CHRNB3: variants seen among roughly 807,000 people sequenced by gnomAD.
CHRNB3 encodes cholinergic receptor nicotinic beta 3 subunit, also known as neuronal acetylcholine receptor subunit beta-3.
CHRNB3 carries 37 observed loss-of-function variants against 40.6 expected under a neutral mutation model. The ratio of observed to expected loss-of-function variants is 0.91; its 90% CI spans 0.70 to 1.20. CHRNB3 has a LOEUF of 1.20. Ranked by LOEUF, CHRNB3 falls within the 50% of genes most tolerant of loss-of-function variation. The probability of loss-of-function intolerance (pLI) is 0.00; values close to 1 mark genes in which losing one functional copy is unlikely to be tolerated. For synonymous variants in CHRNB3, 207 were observed against 207.1 expected (o/e 1.00, Z 0.00); for missense variants, 505 against 551.2 (o/e 0.92, Z 0.84).
chr8:42,725,274 G>A (rs1198931574), intron 3 of CHRNB3, among the ~76,000 whole-genome samples: 1 of 151,606 alleles, frequency 6.6e-6, no homozygotes, highest in African/African-American at 2.4e-5. Context: ...ATTTTTAGTA[G>A]AGATGGGGTT....
chr8:42,713,254 T>C (rs905284035), intron 3 of CHRNB3, among the ~76,000 whole-genome samples: 2 of 152,086 alleles, frequency 1.3e-5, no homozygotes, highest in South Asian at 2.1e-4. Context: ...GGAGTCGTTT[T>C]GGCCAAAGAG....
chr8:42,732,664 C>G, intron 5 of CHRNB3, 115 bp downstream of exon 5: 1 of 985,698 alleles, frequency 1.0e-6, no homozygotes, highest in East Asian at 2.6e-5. Flanking sequence ...TTATATAAGA[C>G]ATGCTTTTTA....
intron 3 of CHRNB3, 33 bp from the exon 4 acceptor site, chr8:42,730,561 G>T: frequency 2.3e-6 from 3 of 1,300,314 alleles, no homozygotes; most frequent in Non-Finnish European, 3.2e-6. Context: ...TTGAACTTTC[G>T]GAATAAAATC....
At chr8:42,734,040 G>T (rs1042218496) in intron 5 of CHRNB3, among the ~76,000 whole-genome samples, 1 of 150,940 alleles carries the variant, frequency 6.6e-6, no homozygotes, top group Non-Finnish European at 1.5e-5. Flanking sequence ...AGTGGATCAC[G>T]AGGTCAACAG....
chr8:42,712,858 TC>T (rs992659748), intron 3 of CHRNB3, among the ~76,000 whole-genome samples: 7 of 102,118 alleles, frequency 6.9e-5, no homozygotes, highest in East Asian at 8.0e-4. Context: ...CCCACTGCTC[TC>T]TTTTTTTTTT....
intron 3 of CHRNB3, among the ~76,000 whole-genome samples, chr8:42,728,178 GC>G (rs1259014472): frequency 6.6e-6 from 1 of 152,128 alleles, no homozygotes; most frequent in African/African-American, 2.4e-5. Flanking sequence ...TACATGGATG[GC>G]AGATAAACAC....
At chr8:42,697,629 C>A in intron 1 of CHRNB3, 31 bp downstream of exon 1, 1 of 1,563,682 alleles carries the variant, frequency 6.4e-7, no homozygotes, top group Non-Finnish European at 8.8e-7. Flanking sequence ...ATTAAAACTA[C>A]AGTTGCAGAA....
At chr8:42,702,989 T>C (rs897584695) in intron 1 of CHRNB3, among the ~76,000 whole-genome samples, 17 of 152,316 alleles carry the variant, frequency 1.1e-4, no homozygotes, top group African/African-American at 3.6e-4. Context: ...CTCCTCTCGA[T>C]GCCCCAGTAT....
intron 3 of CHRNB3, chr8:42,725,961 A>T: frequency 9.0e-7 from 1 of 1,106,316 alleles, no homozygotes. Flanking sequence ...CGATGCGTAC[A>T]ACAAAGGCCA....
chr8:42,733,280 C>A (rs1214425391), intron 5 of CHRNB3, among the ~76,000 whole-genome samples: 1 of 151,538 alleles, frequency 6.6e-6, no homozygotes, highest in Non-Finnish European at 1.5e-5. Flanking sequence ...GGCAATAAAG[C>A]AAGACCCTCA....
At chr8:42,723,344 T>C (rs1189220009) in intron 3 of CHRNB3, among the ~76,000 whole-genome samples, 1 of 152,166 alleles carries the variant, frequency 6.6e-6, no homozygotes, top group Non-Finnish European at 1.5e-5. Context: ...TTTTTTTTGT[T>C]TTCTCTCTTT....
chr8:42,724,675 CA>C (rs1224621396), intron 3 of CHRNB3, among the ~76,000 whole-genome samples: 4 of 151,826 alleles, frequency 2.6e-5, no homozygotes, highest in African/African-American at 9.7e-5. Flanking sequence ...AGGCGGCAGC[CA>C]ATGTAGAAAA....
At chr8:42,705,744 T>G (rs904174618) in intron 1 of CHRNB3, 2 of 152,352 alleles carry the variant, frequency 1.3e-5, no homozygotes, top group African/African-American at 4.8e-5. Flanking sequence ...CTGCCTGACC[T>G]GGGGATAGAT....
chr8:42,712,283 G>T (rs750832665), intron 3 of CHRNB3, among the ~76,000 whole-genome samples: 1 of 152,172 alleles, frequency 6.6e-6, no homozygotes, highest in East Asian at 1.9e-4. Flanking sequence ...GTGAGCCACC[G>T]CACCCACCCT....
intron 3 of CHRNB3, among the ~76,000 whole-genome samples, chr8:42,712,859 CTTTTTT>C (rs567650103): frequency 8.7e-5 from 10 of 114,750 alleles, no homozygotes; most frequent in African/African-American, 1.2e-4. Flanking sequence ...CCACTGCTCT[CTTTTTT>C]TTTTTTTTTT....
At chr8:42,729,620 C>T (rs1816368756) in intron 3 of CHRNB3, among the ~76,000 whole-genome samples, 1 of 152,032 alleles carries the variant, frequency 6.6e-6, no homozygotes, top group South Asian at 2.1e-4. Flanking sequence ...GTGACATCAT[C>T]CATCTGCTGA....
intron 3 of CHRNB3, among the ~76,000 whole-genome samples, chr8:42,718,255 T>C (rs1816153687): frequency 6.6e-6 from 1 of 152,148 alleles, no homozygotes; most frequent in African/African-American, 2.4e-5. Context: ...AATTTGGCTT[T>C]AAGAATTTCA....
At chr8:42,707,634 G>C (rs75000876) in intron 1 of CHRNB3, among the ~76,000 whole-genome samples, 1,685 of 152,254 alleles carry the variant, frequency 0.011, 34 homozygotes, top group African/African-American at 0.039. Context: ...TTTGGGACTG[G>C]ATTCCTAAGC....
chr8:42,700,100 G>A (rs1298485657), intron 1 of CHRNB3, among the ~76,000 whole-genome samples: 1 of 148,826 alleles, frequency 6.7e-6, no homozygotes, highest in Non-Finnish European at 1.5e-5. Context: ...TGCAAGCTCC[G>A]CCTCCCGGGT....
Sources: gnomAD v4.1 joint callset for allele counts (sites outside exome capture counted in the v4.1 genomes callset) on GRCh38, gnomAD v4.1.1 for gene constraint, MANE v1.5 for transcripts, NCBI Gene and HGNC (gene_info 2026-07-23, HGNC 2026-07-21) for gene names.